MYO15B: variants seen among roughly 807,000 people sequenced by gnomAD.
MYO15B encodes the protein myosin XVB pseudogene.
In MYO15B, 207 loss-of-function variants were observed where a neutral mutation model predicts 119.3. The observed-to-expected ratio is 1.73, with a 90% confidence interval of 1.55 to 1.95. The LOEUF (loss-of-function observed/expected upper bound fraction) is 1.95. Among genes scored for constraint, MYO15B ranks in the 30% most tolerant of loss-of-function variants. MYO15B has a pLI of 0.00. For synonymous variants in MYO15B, 966 were observed against 498.9 expected, an observed-to-expected ratio of 1.94 and a Z score of -12.48; for missense variants, 2,264 against 1,203.1, an observed-to-expected ratio of 1.88 and a Z score of -13.04.
At chr17:75,626,710 G>C (rs192988935) in exon 64 of MYO15B, 2 of 576,154 alleles carry the variant, frequency 3.5e-6, no homozygotes, top group East Asian at 5.8e-5. Context: ...GCGGGCTGCA[G>C]GAACTCGGCT....
At chr17:75,597,426 C>G (rs75169949) in intron 14 of MYO15B, among the ~76,000 whole-genome samples, 20 of 152,344 alleles carry the variant, frequency 1.3e-4, no homozygotes, top group African/African-American at 4.6e-4. Flanking sequence ...CATTCACTGA[C>G]TCCTTACCGC....
chr17:75,613,766 C>T, exon 29 of MYO15B: 1 of 702,256 alleles, frequency 1.4e-6, no homozygotes, highest in Non-Finnish European at 2.6e-6. Context: ...CTGGGTGGAT[C>T]CTGCAGAGCA....
At chr17:75,592,217 A>G (rs1451080279) in intron 6 of MYO15B, 21 bp from the exon 7 acceptor site, 1 of 702,184 alleles carries the variant, frequency 1.4e-6, no homozygotes, top group Non-Finnish European at 2.6e-6. Context: ...GGGCACTCAC[A>G]CCCATCTTCT....
chr17:75,596,856 A>G (rs1172293405), exon 14 of MYO15B: 2 of 702,948 alleles, frequency 2.8e-6, no homozygotes, highest in South Asian at 1.5e-5. Flanking sequence ...GATCAGCCCC[A>G]CAGCCTCCTG....
exon 63 of MYO15B, chr17:75,626,172 G>A: frequency 1.4e-6 from 1 of 703,078 alleles, no homozygotes; most frequent in Non-Finnish European, 2.6e-6. Context: ...CCCTGGCCTG[G>A]AAGTCAACTA....
At chr17:75,620,042 A>G (rs2058611942) in intron 47 of MYO15B, 22 bp downstream of exon 47, 1 of 692,792 alleles carries the variant, frequency 1.4e-6, no homozygotes, top group African/African-American at 1.7e-5. Flanking sequence ...GCACGGGTTG[A>G]GAGGCCGGGC....
intron 43 of MYO15B, 180 bp from the exon 44 acceptor site, chr17:75,618,963 G>A (rs2058541051): frequency 3.3e-6 from 2 of 605,576 alleles, no homozygotes; most frequent in East Asian, 2.7e-5. Flanking sequence ...TGTGAATGGA[G>A]GTGGCCCAAG....
In MYO15B at chr17:75,621,413, G is replaced by C. The variant is rs1212625317; in HGVS notation, c.7935+5G>C. ...AGCCTGGTGCAGTACACCAAGGTGG[G>C]AGAGAGGCAGGGAGGGGTCTGGCCC... On this transcript the variant is annotated splice_donor_5th_base_variant and intron_variant, in intron 51 of 63. Coordinates refer to ENST00000645453, the Ensembl canonical transcript of MYO15B. 1.4e-6 allele frequency: 1 copy of C among 700,114 alleles called. No individual in the cohort carries two copies. The highest frequency in any genetic ancestry group is 2.0e-5 in the Admixed American group (1 of 49,954). The allele number at this position is 700,114 out of a possible 1,614,324, so 43.4% of individuals were successfully genotyped here. A position where few individuals can be genotyped will look rare whatever the true frequency, so the allele number is the denominator to read the frequency against.
intron 9 of MYO15B, among the ~76,000 whole-genome samples, chr17:75,593,428 T>A (rs1006345393): frequency 1.3e-5 from 2 of 151,914 alleles, no homozygotes; most frequent in African/African-American, 4.8e-5. Flanking sequence ...TGAAACCCTG[T>A]CTCTACTAAA....
intron 6 of MYO15B, 31 bp downstream of exon 6, chr17:75,592,111 A>G: frequency 1.4e-6 from 1 of 702,510 alleles, no homozygotes; most frequent in South Asian, 1.5e-5. Flanking sequence ...GGGCACCTAC[A>G]ATCACTTACC....
Position 75,619,869 on chromosome 17 carries a change from C to T in MYO15B, c.7302-10C>T, listed in dbSNP as rs746673387. 7 of 701,952 alleles carry T rather than the reference C, an allele frequency of 1.0e-5. No individual in the cohort carries two copies. The highest frequency in any genetic ancestry group is 1.6e-5 in the Non-Finnish European group (6 of 384,418). The allele number at this position is 701,952 out of a possible 1,614,324, so 43.5% of individuals were successfully genotyped here. On this transcript the variant is annotated splice_polypyrimidine_tract_variant and intron_variant, in intron 46 of 63. Transcript: ENST00000645453. The stretch of plus-strand genomic sequence containing the variant: ...AAGGTGACCTCAGTTCATGCCCGAT[C>T]CCTGCGCAGCTTTGCGGAGGTGCTG...
intron 18 of MYO15B, 42 bp downstream of exon 18, chr17:75,603,119 T>C (rs1364746105): frequency 1.4e-6 from 1 of 702,848 alleles, no homozygotes; most frequent in East Asian, 2.7e-5. Context: ...TCCCCCTCCC[T>C]GCACCTCCCT....
chr17:75,619,395 C>T (rs888490219), exon 45 of MYO15B: 9 of 702,590 alleles, frequency 1.3e-5, no homozygotes, highest in Middle Eastern at 2.3e-4. Context: ...TCACCACCAC[C>T]GAAGACAGCG....
At chr17:75,626,483 G>A (rs1033573113) in exon 64 of MYO15B, 6 of 703,112 alleles carry the variant, frequency 8.5e-6, no homozygotes, top group Non-Finnish European at 1.6e-5. Flanking sequence ...AGCATCAACT[G>A]AGAGGAGTGC....
At chr17:75,613,071 G>A (rs540390870) in exon 27 of MYO15B, 12 of 702,392 alleles carry the variant, frequency 1.7e-5, no homozygotes, top group Admixed American at 1.4e-4. Flanking sequence ...CCAGGGCTGC[G>A]GAATGAGCTC....
rs1258290351 is a variant in MYO15B, at chr17:75,617,803, C to A, written c.6815-7C>A. 1.1e-5 allele frequency: 8 copies of A among 700,082 alleles called. No homozygotes were observed. Among genetic ancestry groups the A allele is most frequent in the Non-Finnish European group, 2.1e-5 (8 of 383,030 alleles). The allele number at this position is 700,082 out of a possible 1,614,324, so 43.4% of individuals were successfully genotyped here. ...ACTGAGGCTCCTCACCCCCTCCTCT[C>A]TGCCAGGCTTGACACAGCCCGTGGA... is the stretch of plus-strand genomic sequence containing the variant. On this transcript the variant is annotated splice_region_variant and splice_polypyrimidine_tract_variant and intron_variant, in intron 41 of 63. Coordinates refer to ENST00000645453, the Ensembl canonical transcript of MYO15B.
At chr17:75,596,036 A>T (rs979611545) in intron 12 of MYO15B, among the ~76,000 whole-genome samples, 3 of 152,206 alleles carry the variant, frequency 2.0e-5, no homozygotes, top group African/African-American at 7.2e-5. Context: ...AAGGGGCACA[A>T]AGCTGCATGA....
exon 1 of MYO15B, chr17:75,588,790 C>A (rs2056223049): frequency 2.5e-6 from 1 of 398,622 alleles, no homozygotes; most frequent in Non-Finnish European, 4.4e-6. Flanking sequence ...CTCGAGTCCG[C>A]TGGGGACCGG....
chr17:75,588,737 C>CA lies in MYO15B; in HGVS notation c.680_681insA (p.Pro229AlafsTer203), dbSNP rs1555670205. 1 of 398,778 alleles carries CA rather than the reference C, an allele frequency of 2.5e-6. No homozygotes were observed. Among genetic ancestry groups the CA allele is most frequent in the Non-Finnish European group, 4.4e-6 (1 of 225,952 alleles). The allele number at this position is 398,778 out of a possible 1,614,324, so 24.7% of individuals were successfully genotyped here. A position where few individuals can be genotyped will look rare whatever the true frequency, so the allele number is the denominator to read the frequency against. On this transcript the variant is annotated frameshift_variant, in exon 1 of 64. Coordinates refer to ENST00000645453, the Ensembl canonical transcript of MYO15B. LOFTEE classifies it high-confidence loss of function. Reference sequence around the variant, plus strand: ...CGGGGCCGGGAAGGGTCGTCGGGGACGGGGCCCCTGGGAGCCAGCGAGCAT... The same window carrying CA: ...CGGGGCCGGGAAGGGTCGTCGGGGACAGGGGCCCCTGGGAGCCAGCGAGCAT...
Sources: gnomAD v4.1 joint callset for allele counts (sites outside exome capture counted in the v4.1 genomes callset) on GRCh38, gnomAD v4.1.1 for gene constraint, MANE v1.5 for transcripts, NCBI Gene and HGNC (gene_info 2026-07-23, HGNC 2026-07-21) for gene names.